NUCKS1: variants seen among roughly 807,000 people sequenced by gnomAD.
The protein encoded by NUCKS1 is nuclear ubiquitous casein and cyclin-dependent kinase substrate 1.
A neutral mutation model predicts 33.0 loss-of-function variants in NUCKS1; 2 were observed. The ratio of observed to expected loss-of-function variants is 0.06; its 90% CI spans 0.02 to 0.19. The LOEUF is 0.19. Among genes scored for constraint, NUCKS1 ranks in the 10% least tolerant of loss-of-function variants. The pLI, the probability that NUCKS1 is intolerant of heterozygous loss-of-function variation, is 1.00. For missense variants in NUCKS1, 201 were observed against 293.6 expected (o/e 0.68, Z 2.31); for synonymous variants, 106 against 102.8 (o/e 1.03, Z -0.19).
chr1:205,718,039 T>C lies in NUCKS1; in HGVS notation c.*241A>G, dbSNP rs970461679. 122 of 1,090,642 alleles carry C rather than the reference T, an allele frequency of 1.1e-4. No individual in the cohort carries two copies. The highest frequency in any genetic ancestry group is 1.3e-4 in the Non-Finnish European group (118 of 914,990). The allele number at this position is 1,090,642 out of a possible 1,614,324, so 67.6% of individuals were successfully genotyped here. ...AGGGGAGGGCTGGCAAAGAGACCAATAGACAAAAAGGTAACTTAAACACTT... is the reference window on the plus strand; with the variant it reads ...AGGGGAGGGCTGGCAAAGAGACCAACAGACAAAAAGGTAACTTAAACACTT... On this transcript the variant is annotated 3_prime_UTR_variant, in exon 7 of 7. Transcript: ENST00000367142.
At chr1:205,746,974 T>C (rs962041614) in intron 1 of NUCKS1, among the ~76,000 whole-genome samples, 3 of 152,154 alleles carry the variant, frequency 2.0e-5, no homozygotes, top group Non-Finnish European at 4.4e-5. Context: ...AGAAATCTGG[T>C]TTCTAGTTTG....
chr1:205,735,159 A>G (rs1654005465), intron 1 of NUCKS1, among the ~76,000 whole-genome samples: 1 of 152,186 alleles, frequency 6.6e-6, no homozygotes, highest in Non-Finnish European at 1.5e-5. Flanking sequence ...AAATACAATC[A>G]TGTGCTGCAT....
intron 1 of NUCKS1, among the ~76,000 whole-genome samples, chr1:205,736,780 G>A (rs540981589): frequency 5.3e-5 from 8 of 151,090 alleles, no homozygotes; most frequent in Non-Finnish European, 8.8e-5. Context: ...GCAGTGAGCC[G>A]AGATCACGCC....
At position 205,715,989 on chromosome 1, in the gene NUCKS1, AGGTTATTC is replaced by A. The variant is rs1195310285; in HGVS notation, c.*2283_*2290del. ...CATCAATAAAAAGTGGAGAAAACAA[AGGTTATTC>A]AGAGCCTGTCTCACTTGGGGACACA... On this transcript the variant is annotated 3_prime_UTR_variant, in exon 7 of 7. Transcript: ENST00000367142. 1 of 150,752 alleles carries A rather than the reference AGGTTATTC, an allele frequency of 6.6e-6. No individual in the cohort carries two copies. Among genetic ancestry groups the A allele is most frequent in the Non-Finnish European group, 1.5e-5 (1 of 68,038 alleles). 9.3% of individuals were successfully genotyped at this position (150,752 alleles called of 1,614,324 possible).
At chr1:205,749,598 G>C (rs561010346) in intron 1 of NUCKS1, among the ~76,000 whole-genome samples, 3 of 152,046 alleles carry the variant, frequency 2.0e-5, no homozygotes, top group African/African-American at 7.2e-5. Flanking sequence ...CTGGCTCCAA[G>C]GGGACGGCCC....
At chr1:205,722,071 G>T in intron 4 of NUCKS1, among the ~76,000 whole-genome samples, 1 of 151,318 alleles carries the variant, frequency 6.6e-6, no homozygotes, top group South Asian at 2.1e-4. Flanking sequence ...GTCTATTAAT[G>T]AAAAAAAAAT....
intron 1 of NUCKS1, among the ~76,000 whole-genome samples, chr1:205,749,738 A>G (rs1014103784): frequency 3.3e-5 from 5 of 150,594 alleles, no homozygotes; most frequent in Non-Finnish European, 7.4e-5. Flanking sequence ...GGAGCCCTGC[A>G]GCGGCGCGGG....
chr1:205,743,881 C>A (rs1418402760), intron 1 of NUCKS1, among the ~76,000 whole-genome samples: 1 of 152,164 alleles, frequency 6.6e-6, no homozygotes, highest in Non-Finnish European at 1.5e-5. Context: ...ATTTTTGCAT[C>A]CATATTTTTA....
At position 205,718,104 on chromosome 1, in the gene NUCKS1, A is replaced by AAAT; in HGVS notation, c.*175_*176insATT. 8.9e-7 allele frequency: 1 copy of AAAT among 1,123,588 alleles called. No individual in the cohort carries two copies. The highest frequency in any genetic ancestry group is 1.1e-6 in the Non-Finnish European group (1 of 899,078). 69.6% of individuals were successfully genotyped at this position (1,123,588 alleles called of 1,614,324 possible). ...TTGCTTTAAAAAAAAAAAAAAAAAA[A>AAAT]GAGAGAGAGAGAGAAATGTTACTTT... On this transcript the variant is annotated 3_prime_UTR_variant, in exon 7 of 7. Coordinates refer to ENST00000367142, the MANE Select transcript of NUCKS1 (RefSeq NM_022731.5).
chr1:205,723,838 T>C (rs1382441512), intron 4 of NUCKS1, 88 bp downstream of exon 4: 2 of 925,400 alleles, frequency 2.2e-6, no homozygotes, highest in African/African-American at 3.3e-5. Flanking sequence ...TTTGCAACAG[T>C]GCCTGGCATA....
chr1:205,734,392 A>C (rs1339090743), intron 1 of NUCKS1, among the ~76,000 whole-genome samples: 1 of 152,238 alleles, frequency 6.6e-6, no homozygotes, highest in Non-Finnish European at 1.5e-5. Context: ...GAAAACAGCC[A>C]GAATGATCTC....
chr1:205,747,676 T>A (rs1654365185), intron 1 of NUCKS1, among the ~76,000 whole-genome samples: 1 of 152,242 alleles, frequency 6.6e-6, no homozygotes, highest in Non-Finnish European at 1.5e-5. Context: ...AGTGACAATA[T>A]TTTCCAACTT....
chr1:205,730,630 A>T (rs1653887757), intron 1 of NUCKS1, among the ~76,000 whole-genome samples: 1 of 151,800 alleles, frequency 6.6e-6, no homozygotes. Context: ...CTGAGATTAC[A>T]GGCGTGTGCC....
In NUCKS1 at chr1:205,713,997, C is replaced by T. The variant is rs1240890722; in HGVS notation, c.*4283G>A. The T allele has an allele frequency of 2.0e-5, 3 of 152,140 alleles. No individual in the cohort carries two copies. The highest frequency in any genetic ancestry group is 7.2e-5 in the African/African-American group (3 of 41,422). 9.4% of individuals were successfully genotyped at this position (152,140 alleles called of 1,614,324 possible). On this transcript the variant is annotated 3_prime_UTR_variant, in exon 7 of 7. Transcript: ENST00000367142. ...GGCAAGTCTAAAAGCCTTTCTTTAA[C>T]CTTGTAGGAATTAGATGCATAAGGT...
chr1:205,736,418 A>C (rs1654036395), intron 1 of NUCKS1, among the ~76,000 whole-genome samples: 1 of 152,146 alleles, frequency 6.6e-6, no homozygotes, highest in Admixed American at 6.6e-5. Flanking sequence ...TAGTAGAGCT[A>C]CTGGACCCTA....
intron 1 of NUCKS1, among the ~76,000 whole-genome samples, chr1:205,745,191 T>C (rs1411535417): frequency 6.6e-6 from 1 of 152,200 alleles, no homozygotes; most frequent in Non-Finnish European, 1.5e-5. Context: ...GCCTTGATAT[T>C]ATCTCTACAC....
At chr1:205,720,378 A>ACTG in intron 5 of NUCKS1, 123 bp downstream of exon 5, 1 of 884,586 alleles carries the variant, frequency 1.1e-6, no homozygotes, top group Non-Finnish European at 1.8e-6. Flanking sequence ...TTTAACACGG[A>ACTG]GTATCTACCC....
intron 1 of NUCKS1, 137 bp downstream of exon 1, chr1:205,749,820 G>C: frequency 5.4e-6 from 5 of 918,010 alleles, no homozygotes; most frequent in Non-Finnish European, 8.2e-6. Context: ...ACGCTCAAGG[G>C]TGCGCGCGGG....
intron 1 of NUCKS1, among the ~76,000 whole-genome samples, chr1:205,747,023 AC>A (rs1654349209): frequency 6.6e-6 from 1 of 152,190 alleles, no homozygotes; most frequent in African/African-American, 2.4e-5. Context: ...CTCACCTCTT[AC>A]AAGTAATGGC....
Sources: gnomAD v4.1 joint callset for allele counts (sites outside exome capture counted in the v4.1 genomes callset) on GRCh38, gnomAD v4.1.1 for gene constraint, MANE v1.5 for transcripts, NCBI Gene and HGNC (gene_info 2026-07-23, HGNC 2026-07-21) for gene names.